Variants in USP3 observed in about 807,000 individuals in gnomAD.
The protein encoded by USP3 is ubiquitin carboxyl-terminal hydrolase 3.
A neutral mutation model predicts 72.3 loss-of-function variants in USP3; 20 were observed. That is an observed-to-expected ratio of 0.28 (90% confidence interval 0.19 to 0.40). The LOEUF (loss-of-function observed/expected upper bound fraction) is 0.40, where lower values mean the gene tolerates loss of function less well. USP3 is among the 10% of genes least tolerant of loss of function. The pLI, the probability that USP3 is intolerant of heterozygous loss-of-function variation, is 1.00. For synonymous variants in USP3, 222 were observed against 225.3 expected (o/e 0.99, Z 0.13); for missense variants, 479 against 633.9 (o/e 0.76, Z 2.62).
At chr15:63,532,591 G>A (rs2066092679) in intron 1 of USP3, 56 bp from the exon 2 acceptor site, 2 of 1,594,332 alleles carry the variant, frequency 1.3e-6, no homozygotes, top group South Asian at 1.1e-5. Flanking sequence ...AAAATGGGGA[G>A]AAATTGGGAA....
chr15:63,538,710 T>C (rs1362568695), intron 3 of USP3, among the ~76,000 whole-genome samples: 1 of 151,952 alleles, frequency 6.6e-6, no homozygotes, highest in Non-Finnish European at 1.5e-5. Context: ...CACTCCCGGC[T>C]AATTTTTTTG....
intron 3 of USP3, among the ~76,000 whole-genome samples, chr15:63,549,482 C>T (rs2066404519): frequency 6.6e-6 from 1 of 152,140 alleles, no homozygotes; most frequent in Non-Finnish European, 1.5e-5. Flanking sequence ...TTCAGAGGGG[C>T]ATCATATAAA....
At chr15:63,505,781 G>A (rs933917492) in intron 1 of USP3, among the ~76,000 whole-genome samples, 1 of 152,184 alleles carries the variant, frequency 6.6e-6, no homozygotes, top group Admixed American at 6.5e-5. Flanking sequence ...TTAGCTTTGA[G>A]ATGGTCACTG....
At position 63,574,467 on chromosome 15, in the gene USP3, C is replaced by T; in HGVS notation, c.1096+64C>T. On this transcript the variant is annotated intron_variant, in intron 11 of 14. Coordinates refer to ENST00000380324, the MANE Select transcript of USP3 (RefSeq NM_006537.4). This position sits in a 1 kb window ranked among gnomAD's most constrained non-coding sequence, Gnocchi z 4.6. ...AATAATTGAATAGATTGATAAGCTT[C>T]ATCTATATGTGGTATCTTTAATTAA... 1.6e-6 allele frequency: 2 copies of T among 1,220,240 alleles called. No homozygotes were observed. The highest frequency in any genetic ancestry group is 2.3e-6 in the Non-Finnish European group (2 of 870,504). 75.6% of individuals were successfully genotyped at this position (1,220,240 alleles called of 1,614,324 possible). A position where few individuals can be genotyped will look rare whatever the true frequency, so the allele number is the denominator to read the frequency against.
intron 8 of USP3, among the ~76,000 whole-genome samples, chr15:63,565,274 A>C (rs2066670780): frequency 6.6e-6 from 1 of 152,192 alleles, no homozygotes. Context: ...TGGATAGAGA[A>C]ATCATTAAGC....
chr15:63,588,818 AAGGTGGTTACCTTTTT>A lies in USP3; in HGVS notation c.1329+6_1329+21del. The A allele has an allele frequency of 6.2e-7, 1 of 1,613,226 alleles. No individual in the cohort carries two copies. The highest frequency in any genetic ancestry group is 8.5e-7 in the Non-Finnish European group (1 of 1,179,156). On this transcript the variant is annotated splice_donor_5th_base_variant and intron_variant, in intron 13 of 14. Coordinates refer to ENST00000380324, the MANE Select transcript of USP3 (RefSeq NM_006537.4). The surrounding 1 kb of genome is among the most constrained non-coding windows in gnomAD (Gnocchi z 4.6). ...ACATGAAATGCTACTTACTAGAGGT[AAGGTGGTTACCTTTTT>A]AGCATGGTGAAAAAATGGCTCTTCA...
At chr15:63,527,090 T>A (rs1208076191) in intron 1 of USP3, among the ~76,000 whole-genome samples, 1 of 152,054 alleles carries the variant, frequency 6.6e-6, no homozygotes, top group Non-Finnish European at 1.5e-5. Flanking sequence ...AGATATGGGG[T>A]TTCCCTGTGT....
chr15:63,514,069 C>CT (rs2065822048), intron 1 of USP3, among the ~76,000 whole-genome samples: 1 of 152,198 alleles, frequency 6.6e-6, no homozygotes, highest in South Asian at 2.1e-4. Context: ...TTTATAAAAA[C>CT]TGAAGGATCA....
chr15:63,581,340 GGTTTTTGT>G lies in USP3; in HGVS notation c.1096+6940_1096+6947del, dbSNP rs1289929707. Among the ~76,000 whole-genome samples the G allele has an allele frequency of 7.2e-5, 9 of 124,242 alleles. No individual in the cohort carries two copies. In the East Asian group the frequency reaches 2.1e-3, roughly 29 times the overall value. 81.5% of individuals were successfully genotyped at this position (124,242 alleles called of 152,430 possible). ...ATGTGTTTATATGTATGTTTGTGTT[GGTTTTTGT>G]GTGTGTGTGTGTGTGTGTGTGTGTG... is the stretch of plus-strand genomic sequence containing the variant. On this transcript the variant is annotated intron_variant, in intron 11 of 14. Coordinates refer to ENST00000380324, the MANE Select transcript of USP3 (RefSeq NM_006537.4).
chr15:63,585,620 T>C (rs1646048626), intron 11 of USP3, among the ~76,000 whole-genome samples: 1 of 152,192 alleles, frequency 6.6e-6, no homozygotes, highest in African/African-American at 2.4e-5. Context: ...AAATTTTTAA[T>C]TTTAATGAAG....
Position 63,528,862 on chromosome 15 carries a change from G to A in USP3, c.92-3785G>A, listed in dbSNP as rs148945422. Among the ~76,000 whole-genome samples, 56 of 152,320 alleles carry A rather than the reference G, an allele frequency of 3.7e-4. No individual in the cohort carries two copies. Among genetic ancestry groups the A allele is most frequent in the African/African-American group, 1.2e-3 (51 of 41,570 alleles). ...TAATTGAGAGTTTAATTTAAAGCCA[G>A]TGTTTTTCAGTCTATTTTATATTTG... On this transcript the variant is annotated intron_variant, in intron 1 of 14. Transcript: ENST00000380324. This position sits in a 1 kb window ranked among gnomAD's most constrained non-coding sequence, Gnocchi z 4.3.
chr15:63,547,230 C>T (rs867904083), intron 3 of USP3, among the ~76,000 whole-genome samples: 4 of 151,942 alleles, frequency 2.6e-5, no homozygotes, highest in South Asian at 2.1e-4. Context: ...TAAAGAATAG[C>T]GGTAACAACA....
chr15:63,572,233 C>G (rs1210506011), intron 9 of USP3, among the ~76,000 whole-genome samples: 1 of 152,070 alleles, frequency 6.6e-6, no homozygotes. Flanking sequence ...GTATCCATTT[C>G]CCAGAGGAAG....
chr15:63,505,956 T>C (rs1437756720), intron 1 of USP3, among the ~76,000 whole-genome samples: 1 of 152,242 alleles, frequency 6.6e-6, no homozygotes, highest in Non-Finnish European at 1.5e-5. Flanking sequence ...TTAGCACTTT[T>C]GACAGCTTAC....
At chr15:63,571,002 T>A (rs778605294) in intron 9 of USP3, among the ~76,000 whole-genome samples, 1 of 152,222 alleles carries the variant, frequency 6.6e-6, no homozygotes, top group African/African-American at 2.4e-5. Flanking sequence ...ACTTGAACTT[T>A]CCTAAAGTTT....
In USP3 at chr15:63,588,192, C is replaced by A. The variant is rs1332931712; in HGVS notation, c.1097-113C>A. On this transcript the variant is annotated intron_variant, in intron 11 of 14. Transcript: ENST00000380324. The surrounding 1 kb of genome is among the most constrained non-coding windows in gnomAD (Gnocchi z 4.6). The stretch of plus-strand genomic sequence containing the variant: ...TTGCAATTGAGAAAGGTTAACTTTT[C>A]TAAGGTCGTATAGCTAATAAAGCTG... 6.7e-6 allele frequency: 5 copies of A among 742,852 alleles called. No individual in the cohort carries two copies. Among genetic ancestry groups the A allele is most frequent in the South Asian group, 2.3e-5 (1 of 43,960 alleles). 46.0% of individuals were successfully genotyped at this position (742,852 alleles called of 1,614,324 possible). A position where few individuals can be genotyped will look rare whatever the true frequency, so the allele number is the denominator to read the frequency against.
At chr15:63,527,715 A>T (rs1437984053) in intron 1 of USP3, 1 of 152,262 alleles carries the variant, frequency 6.6e-6, no homozygotes, top group Non-Finnish European at 1.5e-5. Context: ...TGGATTAATT[A>T]GGCCTCTATA....
intron 1 of USP3, among the ~76,000 whole-genome samples, chr15:63,525,328 C>G (rs1327031738): frequency 6.6e-6 from 1 of 152,186 alleles, no homozygotes; most frequent in Non-Finnish European, 1.5e-5. Flanking sequence ...TGGTTGGCTT[C>G]CCAAGCTCTA....
chr15:63,528,419 C>T lies in USP3; in HGVS notation c.92-4228C>T, dbSNP rs1376670244. ...AATTCCCAGACTTAACTTTTTAAGC[C>T]TTCACAAGTGTCTATCCTTATCACC... On this transcript the variant is annotated intron_variant, in intron 1 of 14. Coordinates refer to ENST00000380324, the MANE Select transcript of USP3 (RefSeq NM_006537.4). This position sits in a 1 kb window ranked among gnomAD's most constrained non-coding sequence, Gnocchi z 4.3. Among the ~76,000 whole-genome samples, 2 of 151,998 alleles carry T rather than the reference C, an allele frequency of 1.3e-5. No homozygotes were observed. The highest frequency in any genetic ancestry group is 2.9e-5 in the Non-Finnish European group (2 of 68,022).
Sources: gnomAD v4.1 joint callset for allele counts (sites outside exome capture counted in the v4.1 genomes callset) on GRCh38, gnomAD v4.1.1 for gene constraint, Gnocchi (gnomAD v3.1) non-coding constraint, MANE v1.5 for transcripts, NCBI Gene and HGNC (gene_info 2026-07-23, HGNC 2026-07-21) for gene names.